Variants in DDX19B observed in about 807,000 individuals in gnomAD.
DDX19B encodes the protein ATP-dependent RNA helicase DDX19B.
In DDX19B, 27 loss-of-function variants were observed where a neutral mutation model predicts 58.1. That is an observed-to-expected ratio of 0.46 (90% CI 0.34 to 0.64). The LOEUF (loss-of-function observed/expected upper bound fraction) is 0.64. DDX19B is among the 30% of genes least tolerant of loss of function. The pLI is 0.01. For synonymous variants in DDX19B, 187 were observed against 214.4 expected (o/e 0.87, Z 1.12); for missense variants, 399 against 596.5 (o/e 0.67, Z 3.45).
intron 2 of DDX19B, among the ~76,000 whole-genome samples, chr16:70,313,324 GT>G (rs1252352598): frequency 6.6e-6 from 1 of 151,498 alleles, no homozygotes; most frequent in Non-Finnish European, 1.5e-5. Flanking sequence ...AGGTATTTTT[GT>G]TTTTTTATAG....
chr16:70,302,184 G>A (rs996226682), intron 1 of DDX19B, among the ~76,000 whole-genome samples: 1 of 152,132 alleles, frequency 6.6e-6, no homozygotes, highest in African/African-American at 2.4e-5. Flanking sequence ...GCCTCCCAAA[G>A]TCCTAGAATT....
upstream of DDX19B, among the ~76,000 whole-genome samples, chr16:70,294,403 C>A (rs1308440516): frequency 1.3e-5 from 2 of 152,122 alleles, no homozygotes; most frequent in East Asian, 3.9e-4. Context: ...TTTTAACAGG[C>A]TTCAGGCGAT....
chr16:70,296,812 G>C (rs767444536), upstream of DDX19B, among the ~76,000 whole-genome samples: 31 of 152,124 alleles, frequency 2.0e-4, no homozygotes, highest in Non-Finnish European at 4.4e-4. Flanking sequence ...CAAGTAGAAT[G>C]TTCTCTGGAA....
chr16:70,290,078 G>T (rs528788872), upstream of DDX19B: 35 of 285,298 alleles, frequency 1.2e-4, 1 homozygote, highest in African/African-American at 7.4e-4. Flanking sequence ...TATAGGCCTG[G>T]GGGAGGAGGG....
At position 70,333,853 on chromosome 16, in the gene DDX19B, G is replaced by A; in HGVS notation, c.*271G>A. 1 of 554,268 alleles carries A rather than the reference G, an allele frequency of 1.8e-6. No homozygotes were observed. The highest frequency in any genetic ancestry group is 3.2e-6 in the Non-Finnish European group (1 of 312,206). The allele number at this position is 554,268 out of a possible 1,614,324, so 34.3% of individuals were successfully genotyped here. On this transcript the variant is annotated 3_prime_UTR_variant, in exon 12 of 12. Transcript: ENST00000288071. Reference sequence around the variant, plus strand: ...AGTTTCATCTTTTAATTTGGCCAGTGTTTCCTTCATGCTAATCTAGATGCT... The same window carrying A: ...AGTTTCATCTTTTAATTTGGCCAGTATTTCCTTCATGCTAATCTAGATGCT...
At chr16:70,323,020 G>T (rs146951097) in intron 5 of DDX19B, among the ~76,000 whole-genome samples, 2 of 151,686 alleles carry the variant, frequency 1.3e-5, no homozygotes, top group African/African-American at 4.8e-5. Context: ...CTGTTTGTTT[G>T]TTTGTTTTTT....
chr16:70,299,154 C>A (rs1961341389), upstream of DDX19B: 1 of 1,378,178 alleles, frequency 7.3e-7, no homozygotes. Context: ...GGAGTGGCCT[C>A]CGACGTCACT....
At chr16:70,308,468 C>T (rs1052780402) in intron 1 of DDX19B, among the ~76,000 whole-genome samples, 3 of 151,658 alleles carry the variant, frequency 2.0e-5, no homozygotes, top group African/African-American at 4.8e-5. Flanking sequence ...AACTCCTGAC[C>T]TCAGGTGATC....
chr16:70,309,103 G>GTTGCTTT (rs1488373880), intron 1 of DDX19B, among the ~76,000 whole-genome samples: 1 of 151,036 alleles, frequency 6.6e-6, no homozygotes, highest in African/African-American at 2.4e-5. Flanking sequence ...TTTTTGTTAA[G>GTTGCTTT]TTGCTTTTTT....
chr16:70,325,735 T>G, intron 7 of DDX19B, 47 bp downstream of exon 7: 1 of 1,391,606 alleles, frequency 7.2e-7, no homozygotes, highest in Non-Finnish European at 1.0e-6. Flanking sequence ...ATTCTTTTTA[T>G]TTTGAAATAT....
At chr16:70,316,202 G>A in intron 4 of DDX19B, 98 bp downstream of exon 4, 1 of 1,459,248 alleles carries the variant, frequency 6.9e-7, no homozygotes. Context: ...AGCAGTTTTA[G>A]CTAACCAAGT....
upstream of DDX19B, chr16:70,295,066 G>A: frequency 7.8e-7 from 1 of 1,286,948 alleles, no homozygotes; most frequent in African/African-American, 1.5e-5. Context: ...CCATCTGTGA[G>A]GTGGGTACTT....
chr16:70,306,183 A>T (rs967882020), intron 1 of DDX19B, among the ~76,000 whole-genome samples: 8 of 151,698 alleles, frequency 5.3e-5, no homozygotes, highest in Non-Finnish European at 1.2e-4. Flanking sequence ...ATAGAGTCTT[A>T]CTTTGTCACC....
intron 5 of DDX19B, among the ~76,000 whole-genome samples, chr16:70,320,326 T>C (rs1364333815): frequency 6.6e-6 from 1 of 151,588 alleles, no homozygotes; most frequent in African/African-American, 2.4e-5. Flanking sequence ...CAGACTGGTC[T>C]TAATCTCGTG....
At chr16:70,326,059 C>T (rs1963125532) in intron 7 of DDX19B, among the ~76,000 whole-genome samples, 1 of 152,176 alleles carries the variant, frequency 6.6e-6, no homozygotes, top group African/African-American at 2.4e-5. Flanking sequence ...ATCAAGTTAG[C>T]GTTTATACGT....
chr16:70,315,346 C>G (rs1304105744), intron 3 of DDX19B, among the ~76,000 whole-genome samples: 1 of 147,600 alleles, frequency 6.8e-6, no homozygotes, highest in Non-Finnish European at 1.5e-5. Context: ...GAGATCGAGC[C>G]ACTGCACTCT....
intron 5 of DDX19B, among the ~76,000 whole-genome samples, chr16:70,321,486 C>T (rs1962810739): frequency 6.6e-6 from 1 of 152,170 alleles, no homozygotes; most frequent in South Asian, 2.1e-4. Context: ...TATCTACTAC[C>T]TTTCATCATT....
At chr16:70,303,701 C>T (rs950343282) in intron 1 of DDX19B, among the ~76,000 whole-genome samples, 3 of 152,010 alleles carry the variant, frequency 2.0e-5, no homozygotes, top group South Asian at 4.1e-4. Flanking sequence ...GGACTACAGG[C>T]GCCCACCACC....
At chr16:70,289,803 TAGG>T, upstream of DDX19B, 1 of 395,704 alleles carries the variant, frequency 2.5e-6, no homozygotes, top group African/African-American at 2.5e-5. Flanking sequence ...TTGGTTTCCA[TAGG>T]CAAAGTCCTA....
Sources: gnomAD v4.1 joint callset for allele counts (sites outside exome capture counted in the v4.1 genomes callset) on GRCh38, gnomAD v4.1.1 for gene constraint, MANE v1.5 for transcripts, NCBI Gene and HGNC (gene_info 2026-07-23, HGNC 2026-07-21) for gene names.